ME3: variants seen among roughly 807,000 people sequenced by gnomAD.
ME3 encodes malic enzyme 3.
ME3 carries 48 observed loss-of-function variants against 68.9 expected under a neutral mutation model. The ratio of observed to expected loss-of-function variants is 0.70; its 90% CI spans 0.55 to 0.89. The LOEUF is 0.89. Among genes scored for constraint, ME3 ranks in the 40% least tolerant of loss-of-function variants. The pLI, the probability that ME3 is intolerant of heterozygous loss-of-function variation, is 0.00. For synonymous variants in ME3, 320 were observed against 318.8 expected (o/e 1.00, Z -0.04); for missense variants, 675 against 797.4 (o/e 0.85, Z 1.85).
chr11:86,600,892 C>T (rs1327522448), intron 2 of ME3, among the ~76,000 whole-genome samples: 1 of 151,158 alleles, frequency 6.6e-6, no homozygotes, highest in East Asian at 2.0e-4. Context: ...TAAAGATGTT[C>T]TTTGAAACCA....
intron 4 of ME3, among the ~76,000 whole-genome samples, chr11:86,539,666 C>T (rs1344801601): frequency 6.6e-6 from 1 of 152,170 alleles, no homozygotes. Flanking sequence ...ATGCACAGCT[C>T]CTCCTCTCCT....
At chr11:86,492,833 G>C (rs900339006) in intron 6 of ME3, among the ~76,000 whole-genome samples, 4 of 152,216 alleles carry the variant, frequency 2.6e-5, no homozygotes, top group Non-Finnish European at 5.9e-5. Flanking sequence ...ATTTCAGCTG[G>C]AAGACAGATA....
chr11:86,552,347 CAA>C (rs1228270077), intron 4 of ME3, among the ~76,000 whole-genome samples: 4 of 152,148 alleles, frequency 2.6e-5, no homozygotes. Context: ...CTCCTTTGAC[CAA>C]AACTTTAGTT....
chr11:86,568,178 G>A (rs1051526814), intron 2 of ME3, among the ~76,000 whole-genome samples: 4 of 152,154 alleles, frequency 2.6e-5, no homozygotes, highest in African/African-American at 9.7e-5. Flanking sequence ...TACCCTTGTG[G>A]AATTCAGCGA....
At chr11:86,499,802 G>A (rs1952601669) in intron 5 of ME3, among the ~76,000 whole-genome samples, 2 of 152,192 alleles carry the variant, frequency 1.3e-5, no homozygotes, top group South Asian at 2.1e-4. Flanking sequence ...GCAGGTAGGC[G>A]GATCTGAGAT....
intron 5 of ME3, among the ~76,000 whole-genome samples, chr11:86,501,001 ATTTAAC>A (rs1952685712): frequency 6.6e-6 from 1 of 152,106 alleles, no homozygotes; most frequent in African/African-American, 2.4e-5. Flanking sequence ...CTGGGTTGTT[ATTTAAC>A]TTTGTTTTAA....
chr11:86,561,094 T>A (rs965487275), intron 2 of ME3, among the ~76,000 whole-genome samples: 4 of 152,104 alleles, frequency 2.6e-5, no homozygotes, highest in Non-Finnish European at 4.4e-5. Context: ...AAGTCATGCT[T>A]GTCAGGTTTC....
intron 5 of ME3, 134 bp from the exon 6 acceptor site, chr11:86,498,258 G>A (rs952357516): frequency 2.8e-5 from 29 of 1,044,558 alleles, no homozygotes; most frequent in Non-Finnish European, 3.9e-5. Context: ...GCTTGTCTGG[G>A]ATAAGGCCGG....
At chr11:86,459,283 G>A (rs973401059) in intron 8 of ME3, among the ~76,000 whole-genome samples, 4 of 152,184 alleles carry the variant, frequency 2.6e-5, no homozygotes, top group African/African-American at 9.7e-5. Flanking sequence ...ATGGGGCCCT[G>A]CTTCTCTTCT....
intron 6 of ME3, among the ~76,000 whole-genome samples, chr11:86,490,385 G>A (rs574285172): frequency 6.6e-6 from 1 of 152,218 alleles, no homozygotes; most frequent in Non-Finnish European, 1.5e-5. Flanking sequence ...TGTGTCAGTA[G>A]GGGGGACCTA....
At chr11:86,606,293 C>T (rs1221885792) in intron 2 of ME3, among the ~76,000 whole-genome samples, 2 of 152,170 alleles carry the variant, frequency 1.3e-5, no homozygotes, top group Non-Finnish European at 2.9e-5. Flanking sequence ...GCTCCATGTA[C>T]ACTATTTCCC....
intron 2 of ME3, among the ~76,000 whole-genome samples, chr11:86,562,837 A>G (rs1957304422): frequency 6.6e-6 from 1 of 151,740 alleles, no homozygotes; most frequent in Admixed American, 6.6e-5. Context: ...TCCCCCATCT[A>G]GTAGTCTGCA....
chr11:86,592,450 G>A (rs2139672975), intron 2 of ME3, among the ~76,000 whole-genome samples: 1 of 152,330 alleles, frequency 6.6e-6, no homozygotes, highest in South Asian at 2.1e-4. Context: ...CTTCAAGGAA[G>A]CAAATGTCAA....
At chr11:86,638,655 T>G (rs1944488414) in intron 2 of ME3, among the ~76,000 whole-genome samples, 1 of 152,220 alleles carries the variant, frequency 6.6e-6, no homozygotes, top group African/African-American at 2.4e-5. Context: ...GCCTACAATG[T>G]GTCAGATATT....
intron 4 of ME3, among the ~76,000 whole-genome samples, chr11:86,525,251 G>A (rs1387996537): frequency 6.6e-6 from 1 of 152,120 alleles, no homozygotes; most frequent in African/African-American, 2.4e-5. Context: ...GATAATATAT[G>A]AAAAGTAGTG....
Position 86,672,015 on chromosome 11 carries a change from C to A in ME3, c.-14-57G>T. 3.1e-6 allele frequency: 4 copies of A among 1,300,882 alleles called. No individual in the cohort carries two copies. In the South Asian group the frequency reaches 7.9e-5, roughly 26 times the overall value. 80.6% of individuals were successfully genotyped at this position (1,300,882 alleles called of 1,614,324 possible). A position where few individuals can be genotyped will look rare whatever the true frequency, so the allele number is the denominator to read the frequency against. The stretch of plus-strand genomic sequence containing the variant: ...TCCTTCCAGCCAGCCAGGACCCACG[C>A]GCGCTGCGGGGCACCGGGCCTGATC... On this transcript the variant is annotated intron_variant, in intron 1 of 14. Coordinates refer to ENST00000543262, the Ensembl canonical transcript of ME3.
chr11:86,548,228 A>G (rs541622900), intron 4 of ME3, among the ~76,000 whole-genome samples: 43 of 152,382 alleles, frequency 2.8e-4, no homozygotes, highest in African/African-American at 9.9e-4. Context: ...AAAGTAAGCC[A>G]GTTCCCTCAG....
chr11:86,602,563 C>G (rs1960880970), intron 2 of ME3, among the ~76,000 whole-genome samples: 2 of 152,026 alleles, frequency 1.3e-5, no homozygotes, highest in Non-Finnish European at 2.9e-5. Flanking sequence ...CCATCCCCAT[C>G]AAGCTACCAA....
In ME3 at chr11:86,503,083, G is replaced by A. The variant is rs186894701; in HGVS notation, c.544-4959C>T. The stretch of plus-strand genomic sequence containing the variant: ...GCTTCTCCCTCTCTCTCTTTCTACC[G>A]CAAAAATAATGCACACTTCTTAGTT... On this transcript the variant is annotated intron_variant, in intron 5 of 14. Transcript: ENST00000543262. Among the ~76,000 whole-genome samples the A allele has an allele frequency of 4.1e-4, 62 of 151,356 alleles. 1 individual carries two copies. In the East Asian group the frequency reaches 8.2e-3, roughly 20 times the overall value.
Sources: gnomAD v4.1 joint callset for allele counts (sites outside exome capture counted in the v4.1 genomes callset) on GRCh38, gnomAD v4.1.1 for gene constraint, MANE v1.5 for transcripts, NCBI Gene and HGNC (gene_info 2026-07-23, HGNC 2026-07-21) for gene names.